Variants in TMX1 observed in about 807,000 individuals in gnomAD.
The protein encoded by TMX1 is thioredoxin-related transmembrane protein 1.
In TMX1, 25 loss-of-function variants were observed where a neutral mutation model predicts 36.6. The ratio of observed to expected loss-of-function variants is 0.68; its 90% CI spans 0.50 to 0.95. TMX1 has a LOEUF of 0.95. Among genes scored for constraint, TMX1 ranks in the 40% least tolerant of loss-of-function variants. The pLI, the probability that TMX1 is intolerant of heterozygous loss-of-function variation, is 0.00. For synonymous variants in TMX1, 133 were observed against 118.0 expected, an observed-to-expected ratio of 1.13 and a Z score of -0.82; for missense variants, 347 against 339.6, an observed-to-expected ratio of 1.02 and a Z score of -0.17.
chr14:51,243,977 G>GT lies in TMX1; in HGVS notation c.268+7dup. On this transcript the variant is annotated splice_region_variant and intron_variant, in intron 2 of 7. Transcript: ENST00000457354. ...AGATGTCACAGAGCAGCCAGGTACT[G>GT]TAAGTCTTTGGTTAGTTTTGTTTCT... 1 of 1,593,440 alleles carries GT rather than the reference G, an allele frequency of 6.3e-7. No individual in the cohort carries two copies. The highest frequency in any genetic ancestry group is 8.5e-7 in the Non-Finnish European group (1 of 1,169,706).
chr14:51,246,004 G>T (rs906191279), intron 3 of TMX1, among the ~76,000 whole-genome samples: 6 of 152,270 alleles, frequency 3.9e-5, no homozygotes, highest in African/African-American at 1.4e-4. Flanking sequence ...GTAGCTGGTA[G>T]GTTAAATACC....
intron 4 of TMX1, among the ~76,000 whole-genome samples, chr14:51,248,711 C>A (rs1047024492): frequency 2.3e-4 from 35 of 152,146 alleles, no homozygotes; most frequent in African/African-American, 8.2e-4. Context: ...ACTCACAGAC[C>A]TTTCTTATTT....
chr14:51,246,929 A>G (rs1249597226), intron 3 of TMX1, among the ~76,000 whole-genome samples, 163 bp from the exon 4 acceptor site: 1 of 152,138 alleles, frequency 6.6e-6, no homozygotes, highest in Admixed American at 6.5e-5. Flanking sequence ...ATTGGGGGCT[A>G]AAATGTCATG....
In TMX1 at chr14:51,243,919, G is replaced by A. The variant is rs760967100; in HGVS notation, c.216G>A (p.Trp72Ter). Residue 72 changes from tryptophan (W) to a stop codon, truncating the protein, a stop_gained, in exon 2 of 8, where the codon TGG becomes TGA. Transcript: ENST00000457354. LOFTEE classifies it high-confidence loss of function. The part of the protein sequence containing the change: ...LQPEWESFAE[W>*]GEDLEVNIAK... Reference sequence around the variant, plus strand: ...CGGAATGGGAAAGTTTTGCTGAATGGGGAGAAGATCTTGAGGTTAATATTG... The same window carrying A: ...CGGAATGGGAAAGTTTTGCTGAATGAGGAGAAGATCTTGAGGTTAATATTG... 2 of 1,612,614 alleles carry A rather than the reference G, an allele frequency of 1.2e-6. No individual in the cohort carries two copies. The highest frequency in any genetic ancestry group is 4.5e-5 in the East Asian group (2 of 44,830).
In TMX1 at chr14:51,254,372, GA is replaced by G. The variant is rs1566713431; in HGVS notation, c.702del (p.Val235TrpfsTer32). 6.2e-7 allele frequency: 1 copy of G among 1,607,276 alleles called. No homozygotes were observed. The highest frequency in any genetic ancestry group is 1.1e-5 in the South Asian group (1 of 89,670). The part of the protein sequence containing the change: ...KLLSESAQPL[K>X]KVEEEQEADE... ...TATTATCAGAATCTGCACAACCTTT[GA>G]AAAAAGTGGAGGAGGAACAAGAGGC... On this transcript the variant is annotated frameshift_variant, in exon 8 of 8. Coordinates refer to ENST00000457354, the MANE Select transcript of TMX1 (RefSeq NM_030755.5). LOFTEE classifies it high-confidence loss of function.
At chr14:51,244,127 G>A in intron 2 of TMX1, 156 bp downstream of exon 2, 4 of 525,618 alleles carry the variant, frequency 7.6e-6, no homozygotes, top group East Asian at 3.2e-5. Flanking sequence ...CCTCCCTGCT[G>A]GGGGCTCAGT....
intron 7 of TMX1, 62 bp from the exon 8 acceptor site, chr14:51,254,279 A>G (rs990228164): frequency 6.8e-7 from 1 of 1,466,562 alleles, no homozygotes; most frequent in South Asian, 1.5e-5. Flanking sequence ...TTGTATCTTG[A>G]TTTTACTCTA....
intron 3 of TMX1, among the ~76,000 whole-genome samples, chr14:51,246,745 C>T (rs759347705): frequency 2.0e-5 from 3 of 152,188 alleles, no homozygotes; most frequent in Non-Finnish European, 4.4e-5. Context: ...ATGTGCCAAG[C>T]ACTATTCTAA....
chr14:51,240,874 G>A (rs896862583), intron 1 of TMX1, among the ~76,000 whole-genome samples: 1 of 151,810 alleles, frequency 6.6e-6, no homozygotes, highest in African/African-American at 2.4e-5. Flanking sequence ...TTCTCCTCTC[G>A]TTTTGTCTGT....
chr14:51,254,301 A>G lies in TMX1; in HGVS notation c.665-40A>G, dbSNP rs747422502. On this transcript the variant is annotated intron_variant, in intron 7 of 7. Transcript: ENST00000457354. ...TTGATTTTACTCTAAAGCAAATCTA[A>G]TACATCAACAAAAATACATTTTTGG... is the stretch of plus-strand genomic sequence containing the variant. The G allele has an allele frequency of 1.4e-5, 21 of 1,547,310 alleles. No individual in the cohort carries two copies. The South Asian group carries it at 2.6e-4, about 19-fold the overall frequency.
intron 1 of TMX1, 64 bp downstream of exon 1, chr14:51,240,508 C>G: frequency 7.7e-6 from 12 of 1,563,380 alleles, no homozygotes; most frequent in Non-Finnish European, 8.7e-6. Flanking sequence ...CCCGCACGTT[C>G]CTCGTGCGGG....
intron 1 of TMX1, among the ~76,000 whole-genome samples, chr14:51,241,435 C>T (rs2065760872): frequency 6.6e-6 from 1 of 152,208 alleles, no homozygotes; most frequent in Admixed American, 6.5e-5. Flanking sequence ...TTCTCTATGA[C>T]AGGTGTTTTT....
At chr14:51,250,092 G>A (rs959159746) in intron 7 of TMX1, among the ~76,000 whole-genome samples, 3 of 152,158 alleles carry the variant, frequency 2.0e-5, no homozygotes, top group African/African-American at 7.2e-5. Flanking sequence ...TCTTTCATTA[G>A]TATACCGGCC....
intron 1 of TMX1, among the ~76,000 whole-genome samples, chr14:51,242,729 A>G (rs1247377263): frequency 6.6e-6 from 1 of 151,982 alleles, no homozygotes; most frequent in Non-Finnish European, 1.5e-5. Context: ...GTGAGCCCAG[A>G]TGGCGCCACT....
intron 3 of TMX1, 190 bp downstream of exon 3, chr14:51,245,548 GTC>G: frequency 7.3e-7 from 1 of 1,375,712 alleles, no homozygotes; most frequent in Non-Finnish European, 9.9e-7. Flanking sequence ...GTGTGAAACA[GTC>G]TCTGTTCTCA....
chr14:51,249,895 C>T, intron 7 of TMX1, 130 bp downstream of exon 7: 1 of 665,914 alleles, frequency 1.5e-6, no homozygotes, highest in Non-Finnish European at 2.5e-6. Context: ...TCTTTATCAG[C>T]TATGGCATAA....
intron 1 of TMX1, among the ~76,000 whole-genome samples, chr14:51,241,902 G>A (rs1157544849): frequency 6.6e-6 from 1 of 152,224 alleles, no homozygotes; most frequent in South Asian, 2.1e-4. Context: ...GGCCGAGGCC[G>A]GTGGATCACG....
At chr14:51,249,839 T>G in intron 7 of TMX1, 74 bp downstream of exon 7, 1 of 1,187,114 alleles carries the variant, frequency 8.4e-7, no homozygotes, top group Non-Finnish European at 1.2e-6. Context: ...ATCACACATT[T>G]CACAGGTTGC....
At chr14:51,249,947 C>A (rs2065804191) in intron 7 of TMX1, among the ~76,000 whole-genome samples, 182 bp downstream of exon 7, 1 of 151,964 alleles carries the variant, frequency 6.6e-6, no homozygotes, top group South Asian at 2.1e-4. Context: ...AGAATGTAGC[C>A]CAGTGGATTT....
Sources: allele counts gnomAD v4.1 joint callset (sites outside exome capture counted in the v4.1 genomes callset), GRCh38; gene constraint gnomAD v4.1.1; transcripts MANE v1.5; gene names NCBI Gene and HGNC (gene_info 2026-07-23, HGNC 2026-07-21).